Variants in ADGRL2 observed in about 807,000 individuals in gnomAD.
ADGRL2 encodes calcium-independent alpha-latrotoxin receptor 2.
Under a neutral mutation model 157.4 loss-of-function variants are expected in ADGRL2, and 44 were observed. The observed-to-expected ratio is 0.28, with a 90% confidence interval of 0.22 to 0.36. The LOEUF (loss-of-function observed/expected upper bound fraction) is 0.36, where lower values mean the gene tolerates loss of function less well. Among genes scored for constraint, ADGRL2 ranks in the 10% least tolerant of loss-of-function variants. ADGRL2 has a pLI of 1.00. For missense variants in ADGRL2, 1,510 were observed against 1,768.9 expected (o/e 0.85, Z 2.63); for synonymous variants, 585 against 624.7 (o/e 0.94, Z 0.95).
intron 1 of ADGRL2, among the ~76,000 whole-genome samples, chr1:81,418,327 A>G (rs1175948371): frequency 4.6e-5 from 7 of 152,256 alleles, no homozygotes; most frequent in Admixed American, 1.3e-4. Flanking sequence ...ATTTTGTGGC[A>G]AAAACCCTCC....
At chr1:81,666,775 G>T (rs368646096) in intron 3 of ADGRL2, among the ~76,000 whole-genome samples, 11 of 152,254 alleles carry the variant, frequency 7.2e-5, no homozygotes, top group African/African-American at 2.6e-4. Flanking sequence ...CTCATTCCCG[G>T]CTCAAACTAA....
chr1:81,678,219 T>C (rs2083036226), intron 3 of ADGRL2, among the ~76,000 whole-genome samples: 1 of 152,210 alleles, frequency 6.6e-6, no homozygotes. Context: ...GTGTATAGCA[T>C]AGAGCCAAAC....
chr1:81,707,277 C>T (rs990717603), intron 1 of ADGRL2, among the ~76,000 whole-genome samples: 3 of 152,166 alleles, frequency 2.0e-5, no homozygotes, highest in African/African-American at 7.2e-5. Context: ...TCAGGCTCTT[C>T]CTACAATTCA....
intron 1 of ADGRL2, among the ~76,000 whole-genome samples, chr1:81,360,710 G>A (rs2075962476): frequency 6.6e-6 from 1 of 151,284 alleles, no homozygotes. Flanking sequence ...ATTTATTAAA[G>A]GAAAGAAGAG....
intron 3 of ADGRL2, among the ~76,000 whole-genome samples, chr1:81,620,582 GA>G (rs2081768681): frequency 1.3e-5 from 2 of 152,142 alleles, no homozygotes; most frequent in Admixed American, 6.5e-5. Context: ...GTACCACAAT[GA>G]AAACTCTACC....
chr1:81,825,608 G>T (rs1002197733), intron 1 of ADGRL2, among the ~76,000 whole-genome samples: 2 of 144,888 alleles, frequency 1.4e-5, no homozygotes, highest in East Asian at 4.0e-4. Context: ...GCCTCCCAAA[G>T]TGCTGGGATT....
At chr1:81,370,140 A>C (rs555519197) in intron 1 of ADGRL2, among the ~76,000 whole-genome samples, 1 of 152,242 alleles carries the variant, frequency 6.6e-6, no homozygotes, top group South Asian at 2.1e-4. Context: ...AACTGCCAGA[A>C]AAAACAAAAA....
chr1:81,873,470 A>G (rs185343448), intron 2 of ADGRL2, among the ~76,000 whole-genome samples: 1 of 152,240 alleles, frequency 6.6e-6, no homozygotes, highest in Admixed American at 6.5e-5. Context: ...AATGTAAAAA[A>G]ACCATTTTAC....
At chr1:81,495,058 G>A (rs980231960) in intron 2 of ADGRL2, among the ~76,000 whole-genome samples, 2 of 152,128 alleles carry the variant, frequency 1.3e-5, no homozygotes, top group Non-Finnish European at 2.9e-5. Flanking sequence ...TAATTCAAAT[G>A]AATCAGGGTA....
chr1:81,360,972 A>T (rs1037685820), intron 1 of ADGRL2, among the ~76,000 whole-genome samples: 49 of 151,920 alleles, frequency 3.2e-4, no homozygotes, highest in African/African-American at 1.1e-3. Flanking sequence ...TGTAGATAAC[A>T]GAGAAATGAA....
At chr1:81,725,034 T>C (rs1220629543) in intron 1 of ADGRL2, among the ~76,000 whole-genome samples, 1 of 150,508 alleles carries the variant, frequency 6.6e-6, no homozygotes, top group East Asian at 2.0e-4. Context: ...TGAAACCCTG[T>C]CTCTACTAAA....
At chr1:81,353,756 G>T (rs1663081895) in intron 1 of ADGRL2, among the ~76,000 whole-genome samples, 1 of 152,152 alleles carries the variant, frequency 6.6e-6, no homozygotes. Flanking sequence ...CATTTCAAGT[G>T]GCCCTGGGAT....
chr1:81,757,992 T>C (rs1362338077), intron 1 of ADGRL2, among the ~76,000 whole-genome samples: 1 of 152,162 alleles, frequency 6.6e-6, no homozygotes, highest in African/African-American at 2.4e-5. Flanking sequence ...ACTAGAACTT[T>C]ACAAGATCTA....
chr1:81,538,834 G>A (rs2079809813), intron 2 of ADGRL2, among the ~76,000 whole-genome samples: 1 of 151,876 alleles, frequency 6.6e-6, no homozygotes. Flanking sequence ...ACAAAAACCT[G>A]CCTCTACCAA....
chr1:81,793,166 T>C (rs911413771), intron 2 of ADGRL2, among the ~76,000 whole-genome samples: 12 of 152,132 alleles, frequency 7.9e-5, no homozygotes, highest in Non-Finnish European at 1.0e-4. Flanking sequence ...TGAAATTCAA[T>C]TGGTTTATTT....
intron 1 of ADGRL2, chr1:81,721,765 C>T (rs1411419037): frequency 8.6e-6 from 12 of 1,398,832 alleles, no homozygotes; most frequent in African/African-American, 1.4e-5. Flanking sequence ...TTCTGCACAC[C>T]GAGGAAATGT....
intron 2 of ADGRL2, among the ~76,000 whole-genome samples, chr1:81,531,353 A>G (rs1457755346): frequency 2.0e-5 from 3 of 152,164 alleles, no homozygotes; most frequent in Non-Finnish European, 4.4e-5. Context: ...GAACCTATAT[A>G]CTGTGTTTGA....
intron 1 of ADGRL2, among the ~76,000 whole-genome samples, chr1:81,391,616 A>G (rs1372533135): frequency 2.2e-5 from 1 of 45,364 alleles, no homozygotes; most frequent in Non-Finnish European, 4.4e-5. Context: ...ATTTATCTTT[A>G]GGTGCCCTTT....
intron 2 of ADGRL2, among the ~76,000 whole-genome samples, chr1:81,840,636 T>G (rs571683682): frequency 1.3e-5 from 2 of 152,218 alleles, no homozygotes; most frequent in South Asian, 4.1e-4. Flanking sequence ...CCATTAAAAT[T>G]TACCTGTTTG....
Sources: gnomAD v4.1 joint callset for allele counts (sites outside exome capture counted in the v4.1 genomes callset) on GRCh38, gnomAD v4.1.1 for gene constraint, MANE v1.5 for transcripts, NCBI Gene and HGNC (gene_info 2026-07-23, HGNC 2026-07-21) for gene names.